The following ZNF585A variants were observed in gnomAD, a reference collection of about 807,000 sequenced individuals.
ZNF585A encodes zinc finger protein 585A.
Under a neutral mutation model 14.9 loss-of-function variants are expected in ZNF585A, and 9 were observed. The ratio of observed to expected loss-of-function variants is 0.60; its 90% CI spans 0.36 to 1.05. The LOEUF (loss-of-function observed/expected upper bound fraction) is 1.05, where lower values mean the gene tolerates loss of function less well. Ranked by LOEUF, ZNF585A falls within the 50% of genes least tolerant of loss-of-function variation. The probability of loss-of-function intolerance (pLI) is 0.01; values close to 1 mark genes in which losing one functional copy is unlikely to be tolerated. For missense variants in ZNF585A, 726 were observed against 926.4 expected (o/e 0.78, Z 2.81); for synonymous variants, 276 against 319.9 (o/e 0.86, Z 1.46).
At position 37,152,890 on chromosome 19, in the gene ZNF585A, T is replaced by C. The variant is rs1453263286; in HGVS notation, c.1009A>G (p.Asn337Asp). 1 of 1,614,134 alleles carries C rather than the reference T, an allele frequency of 6.2e-7. No homozygotes were observed. Among genetic ancestry groups the C allele is most frequent in the African/African-American group, 1.3e-5 (1 of 74,954 alleles). ...ICTEYGKVFS[N>D]NSNLVTHKKV... ...TTATGTGTAACGAGGTTGGAATTAT[T>C]GCTGAAGACCTTCCCATATTCGGTA... Residue 337 changes from asparagine to aspartate, a missense_variant, in exon 5 of 5, where the codon AAT (asparagine) becomes GAT (aspartate). Around this residue, in one of 2 missense-constraint regions of ZNF585A, gnomAD observed 483 missense variants for 542.8 expected, o/e 0.89. Transcript: ENST00000292841.
intron 4 of ZNF585A, among the ~76,000 whole-genome samples, chr19:37,153,889 GCTCT>G (rs1971881736): frequency 6.6e-6 from 1 of 152,084 alleles, no homozygotes; most frequent in Non-Finnish European, 1.5e-5. Context: ...TCTGCTGATA[GCTCT>G]CTATTTGTCA....
In ZNF585A at chr19:37,158,394, G is replaced by A. The variant is rs1373273143; in HGVS notation, c.73-2039C>T. On this transcript the variant is annotated intron_variant, in intron 2 of 4. Transcript: ENST00000292841. ...AGCATCCACAAACCAGCTCTCATGTGCCTGCTGACATGGCATAGTAATTAA... is the reference window on the plus strand; with the variant it reads ...AGCATCCACAAACCAGCTCTCATGTACCTGCTGACATGGCATAGTAATTAA... Among the ~76,000 whole-genome samples, 3 of 152,188 alleles carry A rather than the reference G, an allele frequency of 2.0e-5. No homozygotes were observed. In the East Asian group the frequency reaches 5.8e-4, roughly 29 times the overall value.
chr19:37,166,302 C>T (rs1420103853), intron 2 of ZNF585A, among the ~76,000 whole-genome samples: 3 of 150,542 alleles, frequency 2.0e-5, no homozygotes, highest in Non-Finnish European at 4.4e-5. Flanking sequence ...GTGTGAGCCA[C>T]CATGCTGCCC....
intron 2 of ZNF585A, among the ~76,000 whole-genome samples, chr19:37,161,026 C>A (rs888528893): frequency 2.0e-5 from 3 of 152,060 alleles, no homozygotes; most frequent in Non-Finnish European, 4.4e-5. Context: ...TATCACCATA[C>A]CCAGCTTTTA....
rs574208610 is a variant in ZNF585A, at chr19:37,149,370, A to C, written c.*2219T>G. On this transcript the variant is annotated 3_prime_UTR_variant, in exon 5 of 5. Transcript: ENST00000292841. ...GGGTATATGCATATACATATACGTA[A>C]GTATTATAATATTGTTACAATAAAT... The C allele has an allele frequency of 6.6e-6, 1 of 152,336 alleles. No individual in the cohort carries two copies. Among genetic ancestry groups the C allele is most frequent in the East Asian group, 1.9e-4 (1 of 5,178 alleles). 9.4% of individuals were successfully genotyped at this position (152,336 alleles called of 1,614,324 possible).
Position 37,152,140 on chromosome 19 carries a change from A to G in ZNF585A, c.1759T>C (p.Phe587Leu). ...PYVCTECGRA[F>L]IRKSNFITHQ... Reference sequence around the variant, plus strand: ...GTAATAAAGTTTGACTTGCGGATGAAAGCTCTTCCACACTCAGTGCATACA... The same window carrying G: ...GTAATAAAGTTTGACTTGCGGATGAGAGCTCTTCCACACTCAGTGCATACA... Residue 587 changes from phenylalanine (F) to leucine (L), a missense_variant, in exon 5 of 5, where the codon TTC (phenylalanine) becomes CTC (leucine). Physicochemically the swap from Phe to Leu is conservative, Grantham distance 22. Around this residue, in one of 2 missense-constraint regions of ZNF585A, gnomAD observed 243 missense variants for 383.6 expected, o/e 0.63. Transcript: ENST00000292841. 1 of 1,599,542 alleles carries G rather than the reference A, an allele frequency of 6.3e-7. No homozygotes were observed. The highest frequency in any genetic ancestry group is 8.5e-7 in the Non-Finnish European group (1 of 1,171,118).
At chr19:37,160,574 C>A (rs1971998639) in intron 2 of ZNF585A, among the ~76,000 whole-genome samples, 1 of 151,414 alleles carries the variant, frequency 6.6e-6, no homozygotes, top group African/African-American at 2.4e-5. Context: ...ACCAGACTGG[C>A]AAAGATAAAA....
At chr19:37,163,737 T>C (rs1287193091) in intron 2 of ZNF585A, among the ~76,000 whole-genome samples, 2 of 139,108 alleles carry the variant, frequency 1.4e-5, no homozygotes, top group Non-Finnish European at 3.3e-5. Flanking sequence ...ATCATAAAGA[T>C]GACACACACA....
chr19:37,162,840 G>T (rs762759555), intron 2 of ZNF585A, among the ~76,000 whole-genome samples: 68 of 152,240 alleles, frequency 4.5e-4, no homozygotes, highest in Non-Finnish European at 7.8e-4. Flanking sequence ...AGTGGAGGGT[G>T]AAAGGAGGGA....
chr19:37,164,891 T>C (rs991562959), intron 2 of ZNF585A, among the ~76,000 whole-genome samples: 1 of 152,170 alleles, frequency 6.6e-6, no homozygotes, highest in African/African-American at 2.4e-5. Flanking sequence ...CAGGCTGGTC[T>C]CAAACTCATG....
chr19:37,171,003 G>A (rs1366605022), intron 1 of ZNF585A, among the ~76,000 whole-genome samples: 1 of 152,128 alleles, frequency 6.6e-6, no homozygotes, highest in Non-Finnish European at 1.5e-5. Context: ...CTATATATGT[G>A]ATAAAAGTGG....
chr19:37,156,196 C>A lies in ZNF585A; in HGVS notation c.199+33G>T, dbSNP rs770506871. On this transcript the variant is annotated intron_variant, in intron 3 of 4. Coordinates refer to ENST00000292841, the MANE Select transcript of ZNF585A (RefSeq NM_001288800.2). ...GAGAATGAAAACACTCTCAGTGAGG[C>A]CTCCTTTCAGATACCAAGGTGACTG... The A allele has an allele frequency of 1.1e-5, 18 of 1,608,128 alleles. No homozygotes were observed. The East Asian group carries it at 3.3e-4, about 30-fold the overall frequency.
At position 37,151,423 on chromosome 19, in the gene ZNF585A, C is replaced by T; in HGVS notation, c.*166G>A. On this transcript the variant is annotated 3_prime_UTR_variant, in exon 5 of 5. Coordinates refer to ENST00000292841, the MANE Select transcript of ZNF585A (RefSeq NM_001288800.2). ...GATGGTGACAATGTAGGAAGGGTCC[C>T]TCGCCTCATTCAGTGCCTTCTCAGA... 3 of 620,712 alleles carry T rather than the reference C, an allele frequency of 4.8e-6. No individual in the cohort carries two copies. Among genetic ancestry groups the T allele is most frequent in the Middle Eastern group, 4.4e-4 (1 of 2,280 alleles). The allele number at this position is 620,712 out of a possible 1,614,324, so 38.5% of individuals were successfully genotyped here. A position where few individuals can be genotyped will look rare whatever the true frequency, so the allele number is the denominator to read the frequency against.
Position 37,151,845 on chromosome 19 carries a change from G to A in ZNF585A, c.2054C>T (p.Thr685Ile). Reference sequence around the variant, plus strand: ...ACTGCACTCATAAGGTTTCTCTCCAGTATGAATTCTGTGATGTGTAATCAA... The same window carrying A: ...ACTGCACTCATAAGGTTTCTCTCCAATATGAATTCTGTGATGTGTAATCAA... Reference protein sequence around the residue: ...SELITHHRIHTGEKPYECSDC... With the variant: ...SELITHHRIHIGEKPYECSDC... The change falls in exon 5 of 5, where the codon ACT becomes ATT. Residue 685 changes from threonine to isoleucine, a missense_variant. Coordinates refer to ENST00000292841, the MANE Select transcript of ZNF585A (RefSeq NM_001288800.2). 1.9e-6 allele frequency: 3 copies of A among 1,612,202 alleles called. No homozygotes were observed. Among genetic ancestry groups the A allele is most frequent in the Non-Finnish European group, 2.5e-6 (3 of 1,179,076 alleles).
rs1211220612 is a variant in ZNF585A, at chr19:37,150,512, T to A, written c.*1077A>T. On this transcript the variant is annotated 3_prime_UTR_variant, in exon 5 of 5. Transcript: ENST00000292841. Reference sequence around the variant, plus strand: ...TGGGAAGAGGTAACAGACACCATGCTGGAGTGAGGTGATTGTAAAAGAGGT... The same window carrying A: ...TGGGAAGAGGTAACAGACACCATGCAGGAGTGAGGTGATTGTAAAAGAGGT... 1 of 152,112 alleles carries A rather than the reference T, an allele frequency of 6.6e-6. No homozygotes were observed. Among genetic ancestry groups the A allele is most frequent in the Non-Finnish European group, 1.5e-5 (1 of 68,020 alleles). The allele number at this position is 152,112 out of a possible 1,614,324, so 9.4% of individuals were successfully genotyped here. A position where few individuals can be genotyped will look rare whatever the true frequency, so the allele number is the denominator to read the frequency against.
intron 2 of ZNF585A, among the ~76,000 whole-genome samples, chr19:37,163,568 G>A (rs75459324): frequency 0.031 from 4,649 of 151,756 alleles, 109 homozygotes; most frequent in African/African-American, 0.063. Context: ...CGGAAATAAA[G>A]ATATTTTTTA....
intron 2 of ZNF585A, among the ~76,000 whole-genome samples, chr19:37,164,555 T>A (rs2145412650): frequency 6.6e-6 from 1 of 151,888 alleles, no homozygotes; most frequent in East Asian, 1.9e-4. Flanking sequence ...TGATAAGCTA[T>A]CAAATTTTTT....
Position 37,153,572 on chromosome 19 carries a change from T to A in ZNF585A, c.327A>T (p.Lys109Asn). The change falls in exon 5 of 5, where the codon AAA becomes AAT. Residue 109 changes from lysine to asparagine, a missense_variant. By Grantham distance (94) the Lys-to-Asn change is moderately conservative (BLOSUM62 0). This residue lies in a region of ZNF585A where 483 missense variants were observed against 542.8 expected (regional missense o/e 0.89). Transcript: ENST00000292841. ...EKLWDHNQCR[K>N]ILSYKQVSSQ... ...AGGATACTTGTTTATAACTGAGGAT[T>A]TTTCTACATTGATTATGGTCCCATA... 1 of 1,613,524 alleles carries A rather than the reference T, an allele frequency of 6.2e-7. No homozygotes were observed. The highest frequency in any genetic ancestry group is 8.5e-7 in the Non-Finnish European group (1 of 1,179,906).
At position 37,150,073 on chromosome 19, in the gene ZNF585A, T is replaced by C. The variant is rs544350768; in HGVS notation, c.*1516A>G. The C allele has an allele frequency of 6.6e-6, 1 of 151,538 alleles. No homozygotes were observed. Among genetic ancestry groups the C allele is most frequent in the Non-Finnish European group, 1.5e-5 (1 of 68,010 alleles). 9.4% of individuals were successfully genotyped at this position (151,538 alleles called of 1,614,324 possible). ...AGTGATTAATGGGCATCAACAGACA[T>C]TGGGCTAGTTTTTGTTTTTTTTTTT... On this transcript the variant is annotated 3_prime_UTR_variant, in exon 5 of 5. Coordinates refer to ENST00000292841, the MANE Select transcript of ZNF585A (RefSeq NM_001288800.2).
Sources: allele counts gnomAD v4.1 joint callset (sites outside exome capture counted in the v4.1 genomes callset), GRCh38; gene constraint gnomAD v4.1.1; regional missense constraint gnomAD v4.1.1; transcripts MANE v1.5; gene names NCBI Gene and HGNC (gene_info 2026-07-23, HGNC 2026-07-21).